Variants in MYO16 observed in about 807,000 individuals in gnomAD.
The protein encoded by MYO16 is myosin XVI.
Under a neutral mutation model 205.3 loss-of-function variants are expected in MYO16, and 94 were observed. The ratio of observed to expected loss-of-function variants is 0.46; its 90% CI spans 0.39 to 0.54. The LOEUF is 0.54. Among genes scored for constraint, MYO16 ranks in the 20% least tolerant of loss-of-function variants. MYO16 has a pLI of 0.00. For synonymous variants in MYO16, 988 were observed against 954.0 expected (o/e 1.04, Z -0.66); for missense variants, 2,315 against 2,387.5 (o/e 0.97, Z 0.63).
intron 1 of MYO16, among the ~76,000 whole-genome samples, chr13:108,622,505 G>A (rs938079836): frequency 6.6e-6 from 1 of 152,150 alleles, no homozygotes; most frequent in African/African-American, 2.4e-5. Flanking sequence ...GTCTTCTACG[G>A]TTTCATTAGC....
intron 4 of MYO16, among the ~76,000 whole-genome samples, chr13:108,781,918 C>G (rs2093529): frequency 0.51 from 77,918 of 152,010 alleles, 20,639 homozygotes; most frequent in East Asian, 0.87. Flanking sequence ...ATGATTCTGA[C>G]GCCTCCCCAG....
the MYO16 span, among the ~76,000 whole-genome samples, chr13:108,523,203 A>G: frequency 6.6e-6 from 1 of 152,176 alleles, no homozygotes; most frequent in African/African-American, 2.4e-5. Flanking sequence ...ACATCTTGAG[A>G]GTTGAAGAGC....
intron 16 of MYO16, among the ~76,000 whole-genome samples, chr13:108,928,910 A>G (rs1168959197): frequency 6.6e-6 from 1 of 152,266 alleles, no homozygotes; most frequent in African/African-American, 2.4e-5. Context: ...TAATAAATTT[A>G]CAAAATCAGA....
intron 12 of MYO16, among the ~76,000 whole-genome samples, chr13:108,874,981 G>A (rs1304211711): frequency 6.6e-6 from 1 of 152,096 alleles, no homozygotes; most frequent in African/African-American, 2.4e-5. Flanking sequence ...GGAAGCATTG[G>A]TGGCTTTAGA....
intron 14 of MYO16, among the ~76,000 whole-genome samples, chr13:108,890,174 G>T (rs971655184): frequency 1.4e-5 from 2 of 146,274 alleles, no homozygotes; most frequent in Non-Finnish European, 3.0e-5. Flanking sequence ...GAACTCCTGG[G>T]CTCAAGTGAT....
chr13:109,000,750 G>A (rs1488848114), intron 21 of MYO16, among the ~76,000 whole-genome samples: 1 of 151,998 alleles, frequency 6.6e-6, no homozygotes, highest in Admixed American at 6.6e-5. Context: ...TATATTTTAT[G>A]TACAAGGTAT....
At chr13:109,153,229 T>A (rs565400130) in intron 32 of MYO16, among the ~76,000 whole-genome samples, 3 of 152,306 alleles carry the variant, frequency 2.0e-5, no homozygotes, top group Admixed American at 2.0e-4. Context: ...GGAGGATTTA[T>A]ACGGGCAAAT....
chr13:108,506,212 T>G, the MYO16 span, among the ~76,000 whole-genome samples: 1 of 152,186 alleles, frequency 6.6e-6, no homozygotes, highest in Non-Finnish European at 1.5e-5. Flanking sequence ...CCTTTGGAAT[T>G]CTAATAGGAT....
chr13:108,820,093 T>C lies in MYO16; in HGVS notation c.868-244T>C, dbSNP rs77842513. Among the ~76,000 whole-genome samples, 171 of 152,346 alleles carry C rather than the reference T, an allele frequency of 1.1e-3. 1 individual carries two copies. The highest frequency in any genetic ancestry group is 2.0e-3 in the Non-Finnish European group (135 of 68,028). ...AAAGTTATAAAGTGTCCTTTTCAAA[T>C]CTTCAGTGATTAAATCCTTATTGGA... is the stretch of plus-strand genomic sequence containing the variant. On this transcript the variant is annotated intron_variant, in intron 7 of 34. Transcript: ENST00000457511.
intron 10 of MYO16, among the ~76,000 whole-genome samples, chr13:108,847,035 G>C (rs183917902): frequency 6.6e-6 from 1 of 152,256 alleles, no homozygotes; most frequent in East Asian, 1.9e-4. Context: ...GAGCAAACTA[G>C]GTCAACCATT....
intron 4 of MYO16, among the ~76,000 whole-genome samples, chr13:108,751,084 CACAT>C (rs1885223366): frequency 6.6e-6 from 1 of 150,394 alleles, no homozygotes; most frequent in African/African-American, 2.4e-5. Flanking sequence ...CACACACACA[CACAT>C]ACATTTCCCT....
chr13:109,002,148 C>A (rs1012979033), intron 21 of MYO16, among the ~76,000 whole-genome samples: 9 of 152,130 alleles, frequency 5.9e-5, no homozygotes, highest in African/African-American at 2.2e-4. Context: ...GGGTCAGGCC[C>A]AGACATTAGC....
chr13:109,052,453 A>G lies in MYO16; in HGVS notation c.3026A>G (p.Lys1009Arg). 1.2e-6 allele frequency: 2 copies of G among 1,609,012 alleles called. No homozygotes were observed. Among genetic ancestry groups the G allele is most frequent in the Non-Finnish European group, 1.7e-6 (2 of 1,176,346 alleles). ...MTASSIIGEN[K>R]NYLELSKLLK... ...GCTTCTTCAATTATTGGAGAAAACA[A>G]GAATTATCTAGAACTTAGTAAGGTA... The change falls in exon 25 of 35, where the codon AAG (lysine) becomes AGG (arginine). Residue 1009 changes from lysine (K) to arginine (R), a missense_variant. By Grantham distance (26) the Lys-to-Arg change is conservative. This residue lies in a region of MYO16 where 1,213 missense variants were observed against 1,274.4 expected (regional missense o/e 0.95). Transcript: ENST00000457511.
At chr13:108,557,610 A>C in the MYO16 span, among the ~76,000 whole-genome samples, 2 of 152,194 alleles carry the variant, frequency 1.3e-5, no homozygotes, top group East Asian at 3.8e-4. Flanking sequence ...TTTGAACAGA[A>C]TTGCTGTGGT....
intron 2 of MYO16, 98 bp from the exon 3 acceptor site, chr13:108,712,563 C>A: frequency 9.8e-7 from 1 of 1,023,410 alleles, no homozygotes; most frequent in Non-Finnish European, 1.6e-6. Flanking sequence ...GTTTTCACAG[C>A]TGTTTGCATT....
upstream of MYO16, among the ~76,000 whole-genome samples, chr13:108,595,953 C>T (rs1014512899): frequency 1.4e-5 from 2 of 148,036 alleles, no homozygotes; most frequent in African/African-American, 5.0e-5. Context: ...TGCACTCCAG[C>T]TCTCCAGTCA....
chr13:108,509,753 A>C, the MYO16 span, among the ~76,000 whole-genome samples: 1 of 152,184 alleles, frequency 6.6e-6, no homozygotes, highest in African/African-American at 2.4e-5. Context: ...CATATGTAAA[A>C]AACCTGCACA....
At chr13:108,540,856 A>G in the MYO16 span, among the ~76,000 whole-genome samples, 1 of 152,192 alleles carries the variant, frequency 6.6e-6, no homozygotes, top group East Asian at 1.9e-4. Flanking sequence ...AGTAACCTCA[A>G]TGTCAGCCAA....
intron 32 of MYO16, among the ~76,000 whole-genome samples, chr13:109,161,705 T>A (rs936880691): frequency 2.6e-5 from 4 of 152,052 alleles, no homozygotes; most frequent in African/African-American, 9.7e-5. Flanking sequence ...TTTTAAGATT[T>A]AAAAAATTAA....
Sources: allele counts gnomAD v4.1 joint callset (sites outside exome capture counted in the v4.1 genomes callset), GRCh38; gene constraint gnomAD v4.1.1; regional missense constraint gnomAD v4.1.1; transcripts MANE v1.5; gene names NCBI Gene and HGNC (gene_info 2026-07-23, HGNC 2026-07-21).